Variants in LHFPL3 observed in about 807,000 individuals in gnomAD.
LHFPL3 encodes LHFPL tetraspan subfamily member 3, also known as LHFPL tetraspan subfamily member 3 protein.
LHFPL3 carries 5 observed loss-of-function variants against 19.3 expected under a neutral mutation model. That is an observed-to-expected ratio of 0.26 (90% confidence interval 0.14 to 0.54). LHFPL3 has a LOEUF of 0.54. Among genes scored for constraint, LHFPL3 ranks in the 20% least tolerant of loss-of-function variants. The pLI is 0.94. For synonymous variants in LHFPL3, 133 were observed against 126.2 expected (o/e 1.05, Z -0.36); for missense variants, 249 against 307.4 (o/e 0.81, Z 1.42).
At chr7:104,581,452 T>G (rs1201569868) in intron 1 of LHFPL3, among the ~76,000 whole-genome samples, 1 of 152,036 alleles carries the variant, frequency 6.6e-6, no homozygotes, top group Admixed American at 6.6e-5. Context: ...ATTATATGAC[T>G]GGCCTCTTTA....
intron 2 of LHFPL3, among the ~76,000 whole-genome samples, chr7:104,797,743 C>G (rs1790160129): frequency 7.2e-6 from 1 of 138,716 alleles, no homozygotes; most frequent in Non-Finnish European, 1.6e-5. Flanking sequence ...GGTGAAACCC[C>G]ATCTCTACAA....
intron 1 of LHFPL3, among the ~76,000 whole-genome samples, chr7:104,635,427 T>C (rs770427386): frequency 6.6e-6 from 1 of 152,138 alleles, no homozygotes; most frequent in Non-Finnish European, 1.5e-5. Context: ...GAAAAGCTTC[T>C]GGAGAGAACA....
At chr7:104,414,096 G>GAA (rs5886317) in intron 1 of LHFPL3, among the ~76,000 whole-genome samples, 1 of 143,930 alleles carries the variant, frequency 6.9e-6, no homozygotes. Context: ...TTATTTCAGT[G>GAA]AAAAAAAAAA....
intron 2 of LHFPL3, among the ~76,000 whole-genome samples, chr7:104,837,254 T>C (rs1396623464): frequency 6.6e-6 from 1 of 152,184 alleles, no homozygotes; most frequent in East Asian, 1.9e-4. Flanking sequence ...CTGGCCACAT[T>C]TGTGGAATGG....
chr7:104,774,216 TTTCTC>T (rs774147324), intron 2 of LHFPL3, among the ~76,000 whole-genome samples: 3 of 152,218 alleles, frequency 2.0e-5, no homozygotes, highest in South Asian at 2.1e-4. Flanking sequence ...CTCTTTCTCT[TTTCTC>T]TTCCTTCTCT....
At chr7:104,732,420 C>T (rs1277465024) in intron 1 of LHFPL3, among the ~76,000 whole-genome samples, 1 of 152,120 alleles carries the variant, frequency 6.6e-6, no homozygotes, top group Non-Finnish European at 1.5e-5. Context: ...TTGGTCTATT[C>T]AGAGATTCAA....
intron 1 of LHFPL3, among the ~76,000 whole-genome samples, chr7:104,467,166 A>G (rs1792805095): frequency 2.0e-5 from 3 of 152,234 alleles, no homozygotes; most frequent in Non-Finnish European, 4.4e-5. Flanking sequence ...CATCGAGTTT[A>G]TTGTTCTCTG....
At chr7:104,890,302 A>G (rs995566717) in intron 2 of LHFPL3, among the ~76,000 whole-genome samples, 1 of 112,948 alleles carries the variant, frequency 8.9e-6, no homozygotes, top group African/African-American at 2.6e-5. Context: ...TCCTGTCTCT[A>G]AAAAAACAAG....
intron 1 of LHFPL3, among the ~76,000 whole-genome samples, chr7:104,732,471 G>A (rs938868675): frequency 6.6e-6 from 1 of 152,102 alleles, no homozygotes; most frequent in Non-Finnish European, 1.5e-5. Flanking sequence ...ATATGTCCAG[G>A]AATTTATCCA....
At chr7:104,573,404 C>G (rs201670577) in intron 1 of LHFPL3, among the ~76,000 whole-genome samples, 1 of 127,092 alleles carries the variant, frequency 7.9e-6, no homozygotes, top group Non-Finnish European at 1.7e-5. Context: ...AGAGTAAGAC[C>G]ATCTCAAAAA....
intron 2 of LHFPL3, among the ~76,000 whole-genome samples, chr7:104,881,962 G>A (rs960151567): frequency 6.6e-6 from 1 of 152,164 alleles, no homozygotes; most frequent in African/African-American, 2.4e-5. Context: ...TTTTTTAGAT[G>A]TAATGCTACT....
At chr7:104,623,062 T>C (rs1310860291) in intron 1 of LHFPL3, 1 of 320,300 alleles carries the variant, frequency 3.1e-6, no homozygotes, top group East Asian at 9.3e-5. Flanking sequence ...ATGTATTCAT[T>C]ATTTCTATAT....
intron 2 of LHFPL3, 51 bp from the exon 3 acceptor site, chr7:104,906,136 T>A: frequency 6.4e-7 from 1 of 1,570,388 alleles, no homozygotes; most frequent in Non-Finnish European, 8.7e-7. Flanking sequence ...AAATGATGTA[T>A]TTTTTCTCTC....
At chr7:104,517,884 G>A (rs116202988) in intron 1 of LHFPL3, among the ~76,000 whole-genome samples, 1,920 of 152,204 alleles carry the variant, frequency 0.013, 33 homozygotes, top group African/African-American at 0.043. Flanking sequence ...GGACCTGGGG[G>A]AGGGATAACA....
chr7:104,501,825 C>G (rs1268537346), intron 1 of LHFPL3, among the ~76,000 whole-genome samples: 1 of 152,158 alleles, frequency 6.6e-6, no homozygotes, highest in African/African-American at 2.4e-5. Flanking sequence ...TATTCTGCAG[C>G]TATGTTTAGA....
In LHFPL3 at chr7:104,826,910, A is replaced by T. The variant is rs139112596; in HGVS notation, c.683-79277A>T. On this transcript the variant is annotated intron_variant, in intron 2 of 2. Transcript: ENST00000424859. ...GTATTTTTTAAAACATGTTAAACTGAGGCTAGAGCTGGAGACATAATTGTT... is the reference window on the plus strand; with the variant it reads ...GTATTTTTTAAAACATGTTAAACTGTGGCTAGAGCTGGAGACATAATTGTT... 5.8e-4 allele frequency: 88 copies of T among 152,100 alleles called. 4 individuals are homozygous for T. The highest frequency in any genetic ancestry group is 1.9e-3 in the African/African-American group (79 of 41,370). The allele number at this position is 152,100 out of a possible 1,614,324, so 9.4% of individuals were successfully genotyped here. A position where few individuals can be genotyped will look rare whatever the true frequency, so the allele number is the denominator to read the frequency against.
chr7:104,471,063 G>A (rs1261293212), intron 1 of LHFPL3, among the ~76,000 whole-genome samples: 3 of 152,058 alleles, frequency 2.0e-5, no homozygotes, highest in African/African-American at 7.2e-5. Context: ...TATAAGAAGG[G>A]AATTTCTCCC....
rs543652732 is a variant in LHFPL3, at chr7:104,352,356, A to T, written c.445+23132A>T. 3.0e-3 allele frequency among the ~76,000 whole-genome samples: 450 copies of T among 152,258 alleles called. 1 individual carries two copies. Among genetic ancestry groups the T allele is most frequent in the South Asian group, 6.0e-3 (29 of 4,818 alleles). On this transcript the variant is annotated intron_variant, in intron 1 of 2. Coordinates refer to ENST00000424859, the MANE Select transcript of LHFPL3 (RefSeq NM_199000.3). ...CATATAAAATACTTTTGCACGTAAA[A>T]TTCTTAGAATACTACCAAGTATGTA... is the stretch of plus-strand genomic sequence containing the variant.
chr7:104,900,413 C>CA (rs1399777899), intron 2 of LHFPL3, among the ~76,000 whole-genome samples: 1 of 152,216 alleles, frequency 6.6e-6, no homozygotes, highest in Non-Finnish European at 1.5e-5. Flanking sequence ...TGCCTTGTGT[C>CA]AAAGTCTCAT....
Sources: gnomAD v4.1 joint callset for allele counts (sites outside exome capture counted in the v4.1 genomes callset) on GRCh38, gnomAD v4.1.1 for gene constraint, MANE v1.5 for transcripts, NCBI Gene and HGNC (gene_info 2026-07-23, HGNC 2026-07-21) for gene names.